NCKAP5: variants seen among roughly 807,000 people sequenced by gnomAD.
NCKAP5 encodes nck-associated protein 5.
Under a neutral mutation model 167.0 loss-of-function variants are expected in NCKAP5, and 92 were observed. The ratio of observed to expected loss-of-function variants is 0.55; its 90% CI spans 0.47 to 0.66. NCKAP5 has a LOEUF of 0.66. Ranked by LOEUF, NCKAP5 falls within the 30% of genes least tolerant of loss-of-function variation. The pLI is 0.00. For missense variants in NCKAP5, 2,378 were observed against 2,315.0 expected, an observed-to-expected ratio of 1.03 and a Z score of -0.56; for synonymous variants, 891 against 877.4, an observed-to-expected ratio of 1.02 and a Z score of -0.27.
intron 6 of NCKAP5, among the ~76,000 whole-genome samples, chr2:133,074,317 G>GA (rs1323894754): frequency 1.3e-5 from 2 of 151,594 alleles, no homozygotes; most frequent in East Asian, 1.9e-4. Context: ...TGAAATAAAT[G>GA]AAAAAAAGCT....
At chr2:133,059,683 AAAG>A (rs2079928673) in intron 6 of NCKAP5, among the ~76,000 whole-genome samples, 1 of 152,070 alleles carries the variant, frequency 6.6e-6, no homozygotes, top group East Asian at 1.9e-4. Context: ...CAAAAAAAAA[AAAG>A]AAAGAAAAGA....
rs376197348 is a variant in NCKAP5 at position 133,498,476 on chromosome 2, A to C, written c.69+18982T>G. ...GAAGGAAGGAAGGAAGGAAGGAAGGAAGGAAGGCAGGCAGGCAGGCAGGCA... is the reference window on the plus strand; with the variant it reads ...GAAGGAAGGAAGGAAGGAAGGAAGGCAGGAAGGCAGGCAGGCAGGCAGGCA... On this transcript the variant is annotated intron_variant, in intron 3 of 19. Coordinates refer to ENST00000409261, the MANE Select transcript of NCKAP5 (RefSeq NM_207363.3). 3.9e-3 allele frequency among the ~76,000 whole-genome samples: 462 copies of C among 118,348 alleles called. 10 individuals are homozygous for C. The highest frequency in any genetic ancestry group is 0.031 in the Admixed American group (371 of 12,128). 77.6% of individuals were successfully genotyped at this position (118,348 alleles called of 152,430 possible). A position where few individuals can be genotyped will look rare whatever the true frequency, so the allele number is the denominator to read the frequency against.
intron 2 of NCKAP5, among the ~76,000 whole-genome samples, chr2:133,552,391 T>C (rs1687394215): frequency 7.3e-6 from 1 of 136,440 alleles, no homozygotes; most frequent in South Asian, 2.7e-4. Flanking sequence ...GTGGCACATA[T>C]ACACCATGGA....
At chr2:133,113,683 C>T (rs1252635711) in intron 6 of NCKAP5, among the ~76,000 whole-genome samples, 1 of 152,222 alleles carries the variant, frequency 6.6e-6, no homozygotes, top group African/African-American at 2.4e-5. Context: ...AAGCCTGCTT[C>T]CAGGACCTGC....
At chr2:133,357,990 C>T (rs1476500307) in intron 3 of NCKAP5, among the ~76,000 whole-genome samples, 1 of 152,172 alleles carries the variant, frequency 6.6e-6, no homozygotes, top group Non-Finnish European at 1.5e-5. Flanking sequence ...TGTACTTGTG[C>T]TCACACTATT....
At chr2:133,551,060 G>A (rs2104953900) in intron 2 of NCKAP5, among the ~76,000 whole-genome samples, 1 of 150,994 alleles carries the variant, frequency 6.6e-6, no homozygotes, top group South Asian at 2.1e-4. Flanking sequence ...CCTCTTCAAG[G>A]AGAACTACAA....
At chr2:133,405,483 C>A (rs1294408557) in intron 3 of NCKAP5, among the ~76,000 whole-genome samples, 1 of 152,120 alleles carries the variant, frequency 6.6e-6, no homozygotes, top group South Asian at 2.1e-4. Flanking sequence ...AAAAAGGACA[C>A]TTGTGTATAG....
rs200658748 is a variant in NCKAP5 at position 132,785,051 on chromosome 2, G to A, written c.1760C>T (p.Thr587Met). ...GCTCTCTATGTGCAGCTCATCAAAC[G>A]TTTCATTGTCATCAGTGTCTGAAAG... The part of the protein sequence containing the change: ...LQLSDTDDNE[T>M]FDELHIESSD... The change falls in exon 14 of 20, where the codon ACG becomes ATG. Residue 587 changes from threonine (T) to methionine (M), a missense_variant. Physicochemically the swap from Thr to Met is moderately conservative, Grantham distance 81. Coordinates refer to ENST00000409261, the MANE Select transcript of NCKAP5 (RefSeq NM_207363.3). 8.0e-5 allele frequency: 129 copies of A among 1,613,912 alleles called. No homozygotes were observed. Among genetic ancestry groups the A allele is most frequent in the South Asian group, 3.1e-4 (28 of 91,094 alleles).
intron 1 of NCKAP5, among the ~76,000 whole-genome samples, chr2:133,559,499 T>C (rs6717644): frequency 1.3e-5 from 2 of 152,126 alleles, no homozygotes; most frequent in African/African-American, 4.8e-5. Context: ...TTTAAAATTG[T>C]TTTTTTAGAG....
chr2:133,594,256 T>A, the NCKAP5 span, among the ~76,000 whole-genome samples: 1 of 152,216 alleles, frequency 6.6e-6, no homozygotes, highest in Non-Finnish European at 1.5e-5. Context: ...TGTGGCTGAC[T>A]CTCGACTTCG....
At chr2:132,909,764 T>G (rs1026756593) in intron 8 of NCKAP5, among the ~76,000 whole-genome samples, 1 of 152,202 alleles carries the variant, frequency 6.6e-6, no homozygotes, top group African/African-American at 2.4e-5. Flanking sequence ...GCTTTGTCAT[T>G]TATGGCTCCT....
At chr2:133,505,865 T>C (rs1575074906) in intron 3 of NCKAP5, among the ~76,000 whole-genome samples, 1 of 152,242 alleles carries the variant, frequency 6.6e-6, no homozygotes, top group East Asian at 1.9e-4. Flanking sequence ...GTTTAGCAGA[T>C]AGGAGCTGCA....
chr2:133,388,293 T>G (rs1687143926), intron 3 of NCKAP5, among the ~76,000 whole-genome samples: 1 of 152,192 alleles, frequency 6.6e-6, no homozygotes, highest in Non-Finnish European at 1.5e-5. Flanking sequence ...CTGTTGGGGT[T>G]TGCTGGAAGT....
Position 133,337,899 on chromosome 2 carries a change from T to C in NCKAP5, c.70-34789A>G, listed in dbSNP as rs561794409. ...ACCATTCTTATGATGAATTTCATGC[T>C]GTAGCACGGGATGCATATGTTTAAA... On this transcript the variant is annotated intron_variant, in intron 3 of 19. Coordinates refer to ENST00000409261, the MANE Select transcript of NCKAP5 (RefSeq NM_207363.3). Among the ~76,000 whole-genome samples the C allele has an allele frequency of 4.6e-5, 7 of 152,326 alleles. No individual in the cohort carries two copies. In the South Asian group the frequency reaches 1.2e-3, roughly 27 times the overall value.
chr2:133,278,901 T>C (rs916160922), intron 4 of NCKAP5, among the ~76,000 whole-genome samples: 3 of 151,702 alleles, frequency 2.0e-5, no homozygotes, highest in African/African-American at 7.3e-5. Flanking sequence ...CCTTTAAACA[T>C]AGGAAGAGGT....
chr2:132,801,516 A>G (rs1259030857), intron 11 of NCKAP5, among the ~76,000 whole-genome samples: 1 of 152,216 alleles, frequency 6.6e-6, no homozygotes, highest in Non-Finnish European at 1.5e-5. Flanking sequence ...CCCACTGAAG[A>G]TTCTAGCTTC....
intron 19 of NCKAP5, among the ~76,000 whole-genome samples, chr2:132,721,837 G>C (rs1368454012): frequency 1.3e-5 from 2 of 152,190 alleles, no homozygotes; most frequent in Non-Finnish European, 2.9e-5. Context: ...CTCTTTTAAA[G>C]GCAGGTCGCA....
chr2:133,519,498 A>T (rs1235577825), intron 2 of NCKAP5, among the ~76,000 whole-genome samples: 1 of 152,092 alleles, frequency 6.6e-6, no homozygotes. Flanking sequence ...CCCCAGTCTC[A>T]GTGACTGTAA....
chr2:133,116,487 C>CAAAAAAAA (rs1176731938), intron 6 of NCKAP5, among the ~76,000 whole-genome samples: 4 of 7,150 alleles, frequency 5.6e-4, no homozygotes, highest in Non-Finnish European at 7.6e-4. Flanking sequence ...GACTCCGTCT[C>CAAAAAAAA]AAAAAAAAAA....
Sources: allele counts gnomAD v4.1 joint callset (sites outside exome capture counted in the v4.1 genomes callset), GRCh38; gene constraint gnomAD v4.1.1; transcripts MANE v1.5; gene names NCBI Gene and HGNC (gene_info 2026-07-23, HGNC 2026-07-21).